Variants in RBM39 observed in about 807,000 individuals in gnomAD.
RBM39 encodes RNA-binding protein 39.
RBM39 carries 12 observed loss-of-function variants against 79.6 expected under a neutral mutation model. The observed-to-expected ratio is 0.15, with a 90% confidence interval of 0.10 to 0.24. RBM39 has a LOEUF of 0.24. Ranked by LOEUF, RBM39 falls within the 10% of genes least tolerant of loss-of-function variation. The pLI is 1.00. For synonymous variants in RBM39, 185 were observed against 208.4 expected (o/e 0.89, Z 0.97); for missense variants, 243 against 653.4 (o/e 0.37, Z 6.85).
Position 35,701,980 on chromosome 20 carries a change from T to TA in RBM39, c.*2500dup, listed in dbSNP as rs777961747. On this transcript the variant is annotated 3_prime_UTR_variant, in exon 17 of 17. Transcript: ENST00000253363. ...CTGTAAAAAAAAATAGAAACTTCTG[T>TA]AGCTTCTCAACTGGCTAAATTCCAG... is the stretch of plus-strand genomic sequence containing the variant. The TA allele has an allele frequency of 6.6e-6, 1 of 152,160 alleles. No homozygotes were observed. The highest frequency in any genetic ancestry group is 1.5e-5 in the Non-Finnish European group (1 of 68,018). The allele number at this position is 152,160 out of a possible 1,614,324, so 9.4% of individuals were successfully genotyped here.
intron 3 of RBM39, among the ~76,000 whole-genome samples, chr20:35,737,313 C>A (rs1210854563): frequency 6.6e-6 from 1 of 151,008 alleles, no homozygotes; most frequent in African/African-American, 2.4e-5. Flanking sequence ...TCGCTTAAGC[C>A]CGGGTGGCAG....
rs569381927 is a variant in RBM39 at position 35,738,877 on chromosome 20, T to G, written c.101+91A>C. The stretch of plus-strand genomic sequence containing the variant: ...AGCAAAGAAAAGCTTCAGAAGAGAA[T>G]TTTGTATACTTTAGCCACAGGAACA... On this transcript the variant is annotated intron_variant, in intron 3 of 16. Coordinates refer to ENST00000253363, the MANE Select transcript of RBM39 (RefSeq NM_184234.3). 6.0e-4 allele frequency: 694 copies of G among 1,149,046 alleles called. 12 individuals are homozygous for G. The South Asian group carries it at 9.5e-3, about 16-fold the overall frequency. The allele number at this position is 1,149,046 out of a possible 1,614,324, so 71.2% of individuals were successfully genotyped here.
chr20:35,713,340 CGCTCTTGTTGCACAG>C (rs1246698006), intron 11 of RBM39: 28 of 352,592 alleles, frequency 7.9e-5, no homozygotes, highest in Non-Finnish European at 1.0e-4. Flanking sequence ...GATGGAGTAT[CGCTCTTGTTGCACAG>C]GCTCTTGTTG....
chr20:35,711,569 T>TCAGA (rs1385800776), intron 12 of RBM39, among the ~76,000 whole-genome samples: 1 of 152,156 alleles, frequency 6.6e-6, no homozygotes, highest in Non-Finnish European at 1.5e-5. Context: ...TAACTGCTTG[T>TCAGA]CAAATTTCAA....
At chr20:35,706,956 G>A (rs1330947248) in intron 14 of RBM39, among the ~76,000 whole-genome samples, 164 bp downstream of exon 14, 2 of 150,410 alleles carry the variant, frequency 1.3e-5, no homozygotes, top group Non-Finnish European at 3.0e-5. Context: ...GAACCCAGGA[G>A]GCGGAGGTTG....
rs1348769986 is a variant in RBM39, at chr20:35,703,794, TG to T, written c.*686del. On this transcript the variant is annotated 3_prime_UTR_variant, in exon 17 of 17. Coordinates refer to ENST00000253363, the MANE Select transcript of RBM39 (RefSeq NM_184234.3). The stretch of plus-strand genomic sequence containing the variant: ...TATGCAACCAGACAAAACCTATTTC[TG>T]CATTTCCTATTTCTTTCTCAGACTG... 10 of 152,550 alleles carry T rather than the reference TG, an allele frequency of 6.6e-5. No individual in the cohort carries two copies. The highest frequency in any genetic ancestry group is 1.0e-4 in the Non-Finnish European group (7 of 68,040). The allele number at this position is 152,550 out of a possible 1,614,324, so 9.4% of individuals were successfully genotyped here. A position where few individuals can be genotyped will look rare whatever the true frequency, so the allele number is the denominator to read the frequency against.
chr20:35,704,844 T>A, intron 15 of RBM39, 98 bp from the exon 16 acceptor site: 1 of 980,540 alleles, frequency 1.0e-6, no homozygotes, highest in South Asian at 1.5e-5. Context: ...TAGTGCTCTA[T>A]AACCACAAAC....
rs1600344619 is a variant in RBM39 at position 35,703,139 on chromosome 20, A to G, written c.*1342T>C. 3.3e-5 allele frequency: 5 copies of G among 152,310 alleles called. No homozygotes were observed. The highest frequency in any genetic ancestry group is 3.3e-4 in the Admixed American group (5 of 15,294). 9.4% of individuals were successfully genotyped at this position (152,310 alleles called of 1,614,324 possible). A position where few individuals can be genotyped will look rare whatever the true frequency, so the allele number is the denominator to read the frequency against. On this transcript the variant is annotated 3_prime_UTR_variant, in exon 17 of 17. Transcript: ENST00000253363. ...ACTCAAAAGATTTACCAAGAGATAAACAGTTGAAGAGAATTGAGTATAAAT... is the reference window on the plus strand; with the variant it reads ...ACTCAAAAGATTTACCAAGAGATAAGCAGTTGAAGAGAATTGAGTATAAAT...
chr20:35,724,895 T>C, intron 7 of RBM39, 143 bp downstream of exon 7: 1 of 1,001,252 alleles, frequency 1.0e-6, no homozygotes, highest in Non-Finnish European at 1.5e-6. Context: ...TAGTAACATT[T>C]ATCAACTCCA....
rs528305309 is a variant in RBM39 at position 35,703,085 on chromosome 20, T to G, written c.*1396A>C. 6 of 152,164 alleles carry G rather than the reference T, an allele frequency of 3.9e-5. No homozygotes were observed. The highest frequency in any genetic ancestry group is 1.4e-4 in the African/African-American group (6 of 41,438). 9.4% of individuals were successfully genotyped at this position (152,164 alleles called of 1,614,324 possible). A position where few individuals can be genotyped will look rare whatever the true frequency, so the allele number is the denominator to read the frequency against. On this transcript the variant is annotated 3_prime_UTR_variant, in exon 17 of 17. Coordinates refer to ENST00000253363, the MANE Select transcript of RBM39 (RefSeq NM_184234.3). ...ACAAATGAGGTAAGGAACTCAGTAT[T>G]TGAAGATAAGCTAGGAGCAGCATTT... is the stretch of plus-strand genomic sequence containing the variant.
chr20:35,705,181 G>C, intron 15 of RBM39, 44 bp downstream of exon 15: 1 of 1,161,388 alleles, frequency 8.6e-7, no homozygotes, highest in Non-Finnish European at 1.2e-6. Flanking sequence ...GATTAAGGTA[G>C]AGACGAACAA....
At chr20:35,707,054 G>GGT in intron 14 of RBM39, 66 bp downstream of exon 14, 2 of 405,680 alleles carry the variant, frequency 4.9e-6, no homozygotes, top group Non-Finnish European at 8.2e-6. Context: ...AAAAAAAAGA[G>GGT]AAATATATAA....
In RBM39 at chr20:35,701,495, T is replaced by A. The variant is rs2035281920; in HGVS notation, c.*2986A>T. 1 of 153,002 alleles carries A rather than the reference T, an allele frequency of 6.5e-6. No individual in the cohort carries two copies. Among genetic ancestry groups the A allele is most frequent in the Admixed American group, 6.5e-5 (1 of 15,388 alleles). 9.5% of individuals were successfully genotyped at this position (153,002 alleles called of 1,614,324 possible). On this transcript the variant is annotated 3_prime_UTR_variant, in exon 17 of 17. Transcript: ENST00000253363. ...TAGGCTGGGCGCGGTGGCTTATGCC[T>A]GTAATCCCAGCACTTTGGGAGGCAA...
intron 3 of RBM39, chr20:35,732,548 C>A: frequency 5.5e-6 from 1 of 182,024 alleles, no homozygotes; most frequent in Non-Finnish European, 1.2e-5. Flanking sequence ...CAGAGTAAGA[C>A]TCTGTCTAAA....
intron 6 of RBM39, among the ~76,000 whole-genome samples, chr20:35,727,775 G>A (rs774546530): frequency 6.7e-5 from 10 of 150,014 alleles, no homozygotes; most frequent in Non-Finnish European, 1.5e-4. Context: ...TCAGCCTCCC[G>A]AGTAGCTGGG....
At chr20:35,736,443 T>C (rs75134728) in intron 3 of RBM39, 1 of 301,048 alleles carries the variant, frequency 3.3e-6, no homozygotes, top group African/African-American at 2.3e-5. Context: ...AAAAAAAAAA[T>C]AGTGGCTTAA....
At position 35,709,215 on chromosome 20, in the gene RBM39, T is replaced by TC. The variant is rs781748051; in HGVS notation, c.1225+8dup. The TC allele has an allele frequency of 5.0e-6, 8 of 1,600,598 alleles. No individual in the cohort carries two copies. The highest frequency in any genetic ancestry group is 6.8e-6 in the Non-Finnish European group (8 of 1,172,704). On this transcript the variant is annotated intron_variant, in intron 13 of 16. Coordinates refer to ENST00000253363, the MANE Select transcript of RBM39 (RefSeq NM_184234.3). Reference sequence around the variant, plus strand: ...GACAAAAATAAAAAATATGAACACTTCAACTCACCTTCAGTCTGCTGGGAA... The same window carrying TC: ...GACAAAAATAAAAAATATGAACACTTCCAACTCACCTTCAGTCTGCTGGGAA...
intron 12 of RBM39, among the ~76,000 whole-genome samples, chr20:35,710,063 A>C (rs550487079): frequency 6.6e-6 from 1 of 152,334 alleles, no homozygotes; most frequent in East Asian, 1.9e-4. Flanking sequence ...TACAGAGTGA[A>C]ACAGTAGCAA....
intron 8 of RBM39, among the ~76,000 whole-genome samples, chr20:35,722,948 A>G (rs1416463286): frequency 1.3e-5 from 2 of 151,918 alleles, no homozygotes; most frequent in Non-Finnish European, 2.9e-5. Flanking sequence ...GAAAAAAAAA[A>G]AAAAAAGTAA....
Sources: allele counts gnomAD v4.1 joint callset (sites outside exome capture counted in the v4.1 genomes callset), GRCh38; gene constraint gnomAD v4.1.1; transcripts MANE v1.5; gene names NCBI Gene and HGNC (gene_info 2026-07-23, HGNC 2026-07-21).